The following MTUS2 variants were observed in gnomAD, a reference collection of about 807,000 sequenced individuals.
The protein encoded by MTUS2 is microtubule-associated tumor suppressor candidate 2.
In MTUS2, 40 loss-of-function variants were observed where a neutral mutation model predicts 114.1. That is an observed-to-expected ratio of 0.35 (90% CI 0.27 to 0.46). The LOEUF (loss-of-function observed/expected upper bound fraction) is 0.46, where lower values mean the gene tolerates loss of function less well. MTUS2 is among the 20% of genes least tolerant of loss of function. The probability of loss-of-function intolerance (pLI) is 1.00; values close to 1 mark genes in which losing one functional copy is unlikely to be tolerated. For missense variants in MTUS2, 1,679 were observed against 1,705.4 expected (o/e 0.98, Z 0.27); for synonymous variants, 688 against 672.0 (o/e 1.02, Z -0.37).
intron 4 of MTUS2, among the ~76,000 whole-genome samples, chr13:29,044,299 C>G (rs1231510498): frequency 5.3e-5 from 8 of 150,418 alleles, no homozygotes; most frequent in African/African-American, 1.7e-4. Flanking sequence ...AGTGGAAAAT[C>G]TACTGTTCTT....
intron 2 of MTUS2, among the ~76,000 whole-genome samples, chr13:28,969,890 C>G (rs565195214): frequency 2.3e-4 from 35 of 152,342 alleles, no homozygotes; most frequent in Admixed American, 2.3e-3. Flanking sequence ...AAGCGATTCT[C>G]CTGCCTCAGC....
chr13:29,455,114 C>T (rs891232157), intron 9 of MTUS2, among the ~76,000 whole-genome samples: 5 of 152,028 alleles, frequency 3.3e-5, no homozygotes, highest in African/African-American at 7.2e-5. Flanking sequence ...CTTGCTGGGC[C>T]GAAGAGGTAA....
At chr13:29,395,175 GT>G (rs1873816921) in intron 8 of MTUS2, among the ~76,000 whole-genome samples, 1 of 152,254 alleles carries the variant, frequency 6.6e-6, no homozygotes, top group African/African-American at 2.4e-5. Context: ...CAAAGAGTCT[GT>G]TTTTCCAGTC....
In MTUS2 at chr13:29,045,587, G is replaced by A. The variant is rs7491454; in HGVS notation, c.2446+11462G>A. ...GTAGGGTCTTGCCACCACAGGTGGA[G>A]GTGGATTTCAAGTCCTAAAGAATGG... On this transcript the variant is annotated intron_variant, in intron 4 of 15. Transcript: ENST00000612955. Among the ~76,000 whole-genome samples the A allele has an allele frequency of 3.3e-5, 5 of 152,204 alleles. No homozygotes were observed. The East Asian group carries it at 7.7e-4, about 23-fold the overall frequency.
rs1013658681 is a variant in MTUS2 at position 28,916,804 on chromosome 13, C to A, written c.-243+76954C>A. Among the ~76,000 whole-genome samples the A allele has an allele frequency of 5.3e-5, 8 of 151,474 alleles. No homozygotes were observed. In the East Asian group the frequency reaches 1.5e-3, roughly 29 times the overall value. On this transcript the variant is annotated intron_variant, in intron 2 of 15. Coordinates refer to ENST00000612955, the MANE Select transcript of MTUS2 (RefSeq NM_001033602.4). ...CTCTAGCTGGGACTTCCAGTACTAT[C>A]CTGAGTGACAATGGTGAAAGTGGGT...
intron 2 of MTUS2, among the ~76,000 whole-genome samples, chr13:28,933,152 C>G (rs889527877): frequency 1.3e-5 from 2 of 150,402 alleles, no homozygotes; most frequent in African/African-American, 2.5e-5. Context: ...CACACACACA[C>G]ACACACACAC....
chr13:29,496,519 G>A lies in MTUS2; in HGVS notation c.3580-719G>A, dbSNP rs1882563128. On this transcript the variant is annotated intron_variant, in intron 12 of 15. Coordinates refer to ENST00000612955, the MANE Select transcript of MTUS2 (RefSeq NM_001033602.4). This position sits in a 1 kb window ranked among gnomAD's most constrained non-coding sequence, Gnocchi z 4.3. ...GGCAGCGGGGCTGGGAGGATGCTGT[G>A]TTAGGGAGTGTGCACTGCACCTTGA... is the stretch of plus-strand genomic sequence containing the variant. 6.5e-6 allele frequency: 1 copy of A among 153,096 alleles called. No individual in the cohort carries two copies. The highest frequency in any genetic ancestry group is 2.4e-5 in the African/African-American group (1 of 41,450). 9.5% of individuals were successfully genotyped at this position (153,096 alleles called of 1,614,324 possible).
intron 4 of MTUS2, among the ~76,000 whole-genome samples, chr13:29,059,228 A>ATTTTTTTTTT (rs35369352): frequency 7.2e-5 from 7 of 97,124 alleles, no homozygotes; most frequent in African/African-American, 7.9e-5. Context: ...TATTCTTTGG[A>ATTTTTTTTTT]TTTTTTTTTT....
Position 29,148,579 on chromosome 13 carries a change from C to T in MTUS2, c.2644+47609C>T, listed in dbSNP as rs1178452075. 5.0e-5 allele frequency among the ~76,000 whole-genome samples: 4 copies of T among 80,270 alleles called. 1 individual carries two copies. Among genetic ancestry groups the T allele is most frequent in the South Asian group, 9.6e-4 (2 of 2,090 alleles). The allele number at this position is 80,270 out of a possible 152,430, so 52.7% of individuals were successfully genotyped here. On this transcript the variant is annotated intron_variant, in intron 5 of 15. Coordinates refer to ENST00000612955, the MANE Select transcript of MTUS2 (RefSeq NM_001033602.4). ...CTGCAAGCTCCGCCTCCCGGGTTCA[C>T]GCCATTCTCCTGCCTCAGCCTCCCA...
chr13:29,462,359 A>G (rs766150135), intron 9 of MTUS2, among the ~76,000 whole-genome samples: 1 of 152,208 alleles, frequency 6.6e-6, no homozygotes, highest in Non-Finnish European at 1.5e-5. Context: ...GCTTTAAGCA[A>G]AGGAGCAACA....
chr13:29,349,699 C>T (rs1232276800), intron 7 of MTUS2, among the ~76,000 whole-genome samples: 2 of 151,886 alleles, frequency 1.3e-5, no homozygotes, highest in East Asian at 3.9e-4. Context: ...TAGTGATTTC[C>T]AGCTTGAATG....
At chr13:29,296,610 T>C (rs1898956735) in intron 6 of MTUS2, among the ~76,000 whole-genome samples, 1 of 152,158 alleles carries the variant, frequency 6.6e-6, no homozygotes, top group African/African-American at 2.4e-5. Context: ...CACCAATGTT[T>C]GTTACTTTTT....
At chr13:29,347,392 C>G (rs528097512) in intron 7 of MTUS2, among the ~76,000 whole-genome samples, 4 of 148,750 alleles carry the variant, frequency 2.7e-5, no homozygotes, top group Admixed American at 1.4e-4. Flanking sequence ...TCAGATTTCC[C>G]TTTTTGATTT....
intron 4 of MTUS2, among the ~76,000 whole-genome samples, chr13:29,067,963 A>G (rs1350478284): frequency 6.6e-6 from 1 of 152,180 alleles, no homozygotes; most frequent in Non-Finnish European, 1.5e-5. Flanking sequence ...ATTGATTGGC[A>G]TCACCTCAGT....
In MTUS2 at chr13:29,475,437, T is replaced by C. The variant is rs144737548; in HGVS notation, c.3185-4713T>C. Among the ~76,000 whole-genome samples the C allele has an allele frequency of 5.9e-5, 9 of 152,348 alleles. No homozygotes were observed. The East Asian group carries it at 1.7e-3, about 29-fold the overall frequency. ...CTATTTATTATAAAACAAAATTTAC[T>C]GCAAAACATCCTCAGGCAGGTCCTT... On this transcript the variant is annotated intron_variant, in intron 9 of 15. Coordinates refer to ENST00000612955, the MANE Select transcript of MTUS2 (RefSeq NM_001033602.4).
At chr13:29,476,113 G>A (rs1052323074) in intron 9 of MTUS2, among the ~76,000 whole-genome samples, 30 of 152,062 alleles carry the variant, frequency 2.0e-4, no homozygotes, top group African/African-American at 7.2e-4. Flanking sequence ...TTAGCATTGT[G>A]TTATAACTTC....
At chr13:29,393,097 G>A (rs1364607602) in intron 8 of MTUS2, among the ~76,000 whole-genome samples, 6 of 152,118 alleles carry the variant, frequency 3.9e-5, no homozygotes, top group Non-Finnish European at 8.8e-5. Context: ...TCTCAGTACT[G>A]CGCCAGGGCC....
intron 4 of MTUS2, among the ~76,000 whole-genome samples, chr13:29,071,684 C>T (rs1405178753): frequency 6.6e-6 from 1 of 151,982 alleles, no homozygotes; most frequent in Non-Finnish European, 1.5e-5. Flanking sequence ...CTTTGGCCTC[C>T]CAAAGTGCTG....
At chr13:29,306,246 C>G (rs546666936) in intron 6 of MTUS2, among the ~76,000 whole-genome samples, 1 of 152,304 alleles carries the variant, frequency 6.6e-6, no homozygotes, top group South Asian at 2.1e-4. Context: ...GATGCCCTCT[C>G]TCACCACTCC....
Sources: gnomAD v4.1 joint callset for allele counts (sites outside exome capture counted in the v4.1 genomes callset) on GRCh38, gnomAD v4.1.1 for gene constraint, Gnocchi (gnomAD v3.1) non-coding constraint, MANE v1.5 for transcripts, NCBI Gene and HGNC (gene_info 2026-07-23, HGNC 2026-07-21) for gene names.